The following CLDN15 variants were observed in gnomAD, a reference collection of about 807,000 sequenced individuals.
CLDN15 encodes claudin 15, also known as claudin-15.
Under a neutral mutation model 24.5 loss-of-function variants are expected in CLDN15, and 9 were observed. That is an observed-to-expected ratio of 0.37 (90% confidence interval 0.22 to 0.64). The LOEUF is 0.64. CLDN15 is among the 30% of genes least tolerant of loss of function. CLDN15 has a pLI of 0.63. For synonymous variants in CLDN15, 149 were observed against 131.4 expected (o/e 1.13, Z -0.92); for missense variants, 248 against 305.9 (o/e 0.81, Z 1.41).
chr7:101,234,305 T>G lies in CLDN15; in HGVS notation c.355A>C (p.Thr119Pro), dbSNP rs1584266612. ...GCCAGAATGTGGAGGGCCCCTGCGG[T>G]GGCCGCCAGCTTGGCTTTCCTGGAG... ...ELSRKAKLAA[T>P]AGALHILAGI... The change falls in exon 2 of 5, where the codon ACC becomes CCC. Residue 119 changes from threonine (T) to proline (P), a missense_variant. Coordinates refer to ENST00000308344, the MANE Select transcript of CLDN15 (RefSeq NM_014343.3). 1 of 1,609,198 alleles carries G rather than the reference T, an allele frequency of 6.2e-7. No individual in the cohort carries two copies. Among genetic ancestry groups the G allele is most frequent in the Non-Finnish European group, 8.5e-7 (1 of 1,179,648 alleles).
intron 1 of CLDN15, among the ~76,000 whole-genome samples, chr7:101,235,378 C>T (rs144677523): frequency 6.6e-6 from 1 of 152,194 alleles, no homozygotes; most frequent in Non-Finnish European, 1.5e-5. Context: ...ATCCTCCTGC[C>T]TCAGCCTCCT....
Position 101,232,274 on chromosome 7 carries a change from A to C in CLDN15, c.*136T>G, listed in dbSNP as rs760242770. The C allele has an allele frequency of 3.2e-6, 2 of 622,926 alleles. No individual in the cohort carries two copies. Among genetic ancestry groups the C allele is most frequent in the Non-Finnish European group, 5.6e-6 (2 of 355,000 alleles). The allele number at this position is 622,926 out of a possible 1,614,324, so 38.6% of individuals were successfully genotyped here. A position where few individuals can be genotyped will look rare whatever the true frequency, so the allele number is the denominator to read the frequency against. The stretch of plus-strand genomic sequence containing the variant: ...TGGAGGGGCCATGAGAGTGCAAGAC[A>C]CGGGGCCGTGGCCGGGGCGGGGCTA... On this transcript the variant is annotated 3_prime_UTR_variant, in exon 5 of 5. Transcript: ENST00000308344.
chr7:101,238,255 C>T (rs751549200), upstream of CLDN15: 1 of 154,866 alleles, frequency 6.5e-6, no homozygotes, highest in Non-Finnish European at 1.4e-5. Flanking sequence ...GTAGGAGACC[C>T]ACAGCTCTGG....
rs369730209 is a variant in CLDN15, at chr7:101,237,562, G to A, written c.20C>T (p.Thr7Ile). 5.0e-6 allele frequency: 8 copies of A among 1,614,010 alleles called. No individual in the cohort carries two copies. In the African/African-American group the frequency reaches 1.1e-4, roughly 22 times the overall value. Residue 7 changes from threonine to isoleucine, a missense_variant, in exon 1 of 5, where the codon ACC becomes ATC. By Grantham distance (89) the Thr-to-Ile change is moderately conservative (BLOSUM62 -1). Transcript: ENST00000308344. This position sits in a 1 kb window ranked among gnomAD's most constrained non-coding sequence, Gnocchi z 4.0. ...CACAGTTGCCATGAAGAAGCCAAAGGTTTCCACAGCCATCGACATGGTGGG... is the reference window on the plus strand; with the variant it reads ...CACAGTTGCCATGAAGAAGCCAAAGATTTCCACAGCCATCGACATGGTGGG... MSMAVE[T>I]FGFFMATVGL...
At chr7:101,233,381 C>A (rs1798540748) in intron 2 of CLDN15, among the ~76,000 whole-genome samples, 2 of 152,174 alleles carry the variant, frequency 1.3e-5, no homozygotes, top group South Asian at 4.1e-4. Flanking sequence ...GGGGGCTTGT[C>A]CTCTTGCAAG....
rs768435109 is a variant in CLDN15 at position 101,232,646 on chromosome 7, C to T, written c.539G>A (p.Cys180Tyr). ...GTCAGAGCCGCAGCAGCAGGCGGAG[C>T]AGAGGCAGAGGCCACCCAGGATGGA... ...LISILGGLCLCSACCCGSDED... is the reference protein window; with the variant it reads ...LISILGGLCLYSACCCGSDED... Residue 180 changes from cysteine (C) to tyrosine (Y), a missense_variant, in exon 4 of 5, where the codon TGC (cysteine) becomes TAC (tyrosine). Transcript: ENST00000308344. 1.3e-6 allele frequency: 2 copies of T among 1,585,666 alleles called. No homozygotes were observed. The highest frequency in any genetic ancestry group is 1.1e-5 in the South Asian group (1 of 88,136).
At position 101,232,819 on chromosome 7, in the gene CLDN15, G is replaced by A. The variant is rs1798528929; in HGVS notation, c.464+14C>T. 5 of 1,607,422 alleles carry A rather than the reference G, an allele frequency of 3.1e-6. No homozygotes were observed. The highest frequency in any genetic ancestry group is 4.3e-6 in the Non-Finnish European group (5 of 1,174,400). On this transcript the variant is annotated intron_variant, in intron 3 of 4. Coordinates refer to ENST00000308344, the MANE Select transcript of CLDN15 (RefSeq NM_014343.3). ...CTGCCCCGAGGGCGGGGGGTGGGGG[G>A]TTTCCTCACTCACTTGGTTCCGGGG...
Position 101,232,380 on chromosome 7 carries a change from G to C in CLDN15, c.*30C>G, listed in dbSNP as rs1458195944. ...AGGTCCCCTCTCCTTGGGGCAGTGG[G>C]AAGACAGCGGGGCCCACGGGCCAGA... On this transcript the variant is annotated 3_prime_UTR_variant, in exon 5 of 5. Coordinates refer to ENST00000308344, the MANE Select transcript of CLDN15 (RefSeq NM_014343.3). The C allele has an allele frequency of 6.6e-7, 1 of 1,518,484 alleles. No homozygotes were observed. Among genetic ancestry groups the C allele is most frequent in the Non-Finnish European group, 9.1e-7 (1 of 1,096,548 alleles). The allele number at this position is 1,518,484 out of a possible 1,614,324, so 94.1% of individuals were successfully genotyped here.
chr7:101,237,660 C>A lies in CLDN15; in HGVS notation c.-79G>T. ...ACCCCTAGGGAACTGGAAGGGGCTG[C>A]GGCTAAGGAGGGTTGTCCAGGCAGG... is the stretch of plus-strand genomic sequence containing the variant. On this transcript the variant is annotated 5_prime_UTR_variant, in exon 1 of 5. Coordinates refer to ENST00000308344, the MANE Select transcript of CLDN15 (RefSeq NM_014343.3). This position sits in a 1 kb window ranked among gnomAD's most constrained non-coding sequence, Gnocchi z 4.0. 9.6e-7 allele frequency: 1 copy of A among 1,040,272 alleles called. No homozygotes were observed. Among genetic ancestry groups the A allele is most frequent in the Non-Finnish European group, 1.5e-6 (1 of 677,850 alleles). 64.4% of individuals were successfully genotyped at this position (1,040,272 alleles called of 1,614,324 possible).
rs775494720 is a variant in CLDN15, at chr7:101,232,456, T to C, written c.641A>G (p.Glu214Gly). 39 of 1,613,490 alleles carry C rather than the reference T, an allele frequency of 2.4e-5. 1 individual carries two copies. In the South Asian group the frequency reaches 3.5e-4, roughly 15 times the overall value. The change falls in exon 5 of 5, where the codon GAA (glutamate) becomes GGA (glycine). Residue 214 changes from glutamate (E) to glycine (G), a missense_variant. Glu to Gly is a moderately conservative substitution (Grantham distance 98). Coordinates refer to ENST00000308344, the MANE Select transcript of CLDN15 (RefSeq NM_014343.3). The part of the protein sequence containing the change: ...SVMPVATSDQ[E>G]GDSSFGKYGR... ...GTATTTGCCAAAGCTGCTGTCGCCT[T>C]CTTGGTCCGAGGTGGCGACGGGCAT... is the stretch of plus-strand genomic sequence containing the variant.
chr7:101,234,222 CA>C, intron 2 of CLDN15, 55 bp downstream of exon 2: 6 of 1,363,930 alleles, frequency 4.4e-6, no homozygotes, highest in Non-Finnish European at 6.2e-6. Flanking sequence ...GAGGACAAAG[CA>C]GCCTGAAGTC....
Position 101,237,260 on chromosome 7 carries a change from C to CT in CLDN15, c.217+104dup, listed in dbSNP as rs1243178408. The CT allele has an allele frequency of 2.1e-5, 17 of 795,004 alleles. No homozygotes were observed. The African/African-American group carries it at 2.9e-4, about 14-fold the overall frequency. The allele number at this position is 795,004 out of a possible 1,614,324, so 49.2% of individuals were successfully genotyped here. ...GCTGCGGGAACTCAGACCCGCAGAG[C>CT]TTAATTCAGGGCTCCCTGCATCCTC... is the stretch of plus-strand genomic sequence containing the variant. On this transcript the variant is annotated intron_variant, in intron 1 of 4. Coordinates refer to ENST00000308344, the MANE Select transcript of CLDN15 (RefSeq NM_014343.3). This position sits in a 1 kb window ranked among gnomAD's most constrained non-coding sequence, Gnocchi z 4.0.
chr7:101,233,863 A>C, intron 2 of CLDN15: 1 of 278,272 alleles, frequency 3.6e-6, no homozygotes, highest in South Asian at 3.4e-5. Flanking sequence ...ACCTCAAGTA[A>C]TCCACCCACC....
At chr7:101,233,873 C>T (rs1474376084) in intron 2 of CLDN15, 5 of 321,440 alleles carry the variant, frequency 1.6e-5, no homozygotes, top group Non-Finnish European at 3.1e-5. Context: ...ATCCACCCAC[C>T]TCAGCCTACC....
Position 101,237,608 on chromosome 7 carries a change from G to A in CLDN15, c.-27C>T. ...GTGGGATGCAGGACCCTGGGGGGCT[G>A]GTGCCCCAGAGAGGGGGAGGGGCAG... On this transcript the variant is annotated 5_prime_UTR_variant, in exon 1 of 5. Transcript: ENST00000308344. This position sits in a 1 kb window ranked among gnomAD's most constrained non-coding sequence, Gnocchi z 4.0. 6.4e-7 allele frequency: 1 copy of A among 1,563,118 alleles called. No homozygotes were observed. The highest frequency in any genetic ancestry group is 1.7e-5 in the Admixed American group (1 of 59,580).
At chr7:101,233,032 C>T (rs1798533951) in intron 2 of CLDN15, 118 bp from the exon 3 acceptor site, 2 of 708,804 alleles carry the variant, frequency 2.8e-6, no homozygotes, top group Admixed American at 2.2e-5. Flanking sequence ...AGTCCCAGAG[C>T]AGCAATTTCA....
upstream of CLDN15, chr7:101,238,794 T>G (rs1431408881): frequency 6.6e-6 from 1 of 152,328 alleles, no homozygotes; most frequent in Admixed American, 6.5e-5. Flanking sequence ...ATTAGCAGCC[T>G]CTGGTCCCCA....
intron 1 of CLDN15, 52 bp from the exon 2 acceptor site, chr7:101,234,494 C>A (rs1325891109): frequency 1.5e-6 from 2 of 1,357,080 alleles, no homozygotes; most frequent in South Asian, 1.2e-5. Flanking sequence ...TGCGACGGAG[C>A]CAGCCCAACA....
At chr7:101,237,924 G>T, upstream of CLDN15, 2 of 361,294 alleles carry the variant, frequency 5.5e-6, no homozygotes, top group East Asian at 6.4e-5. This position sits in a 1 kb window ranked among gnomAD's most constrained non-coding sequence, Gnocchi z 4.0. Context: ...CGAGGGTGGG[G>T]GGGGCAGACT....
Sources: gnomAD v4.1 joint callset for allele counts (sites outside exome capture counted in the v4.1 genomes callset) on GRCh38, gnomAD v4.1.1 for gene constraint, Gnocchi (gnomAD v3.1) non-coding constraint, MANE v1.5 for transcripts, NCBI Gene and HGNC (gene_info 2026-07-23, HGNC 2026-07-21) for gene names.